Variants in ROBO2 observed in about 807,000 individuals in gnomAD.
ROBO2 encodes roundabout homolog 2.
In ROBO2, 53 loss-of-function variants were observed where a neutral mutation model predicts 160.8. The observed-to-expected ratio is 0.33, with a 90% CI of 0.26 to 0.41. The LOEUF (loss-of-function observed/expected upper bound fraction) is 0.41. ROBO2 is among the 10% of genes least tolerant of loss of function. ROBO2 has a pLI of 1.00. For missense variants in ROBO2, 1,577 were observed against 1,722.4 expected, an observed-to-expected ratio of 0.92 and a Z score of 1.49; for synonymous variants, 664 against 611.7, an observed-to-expected ratio of 1.09 and a Z score of -1.26.
At chr3:77,435,031 A>G (rs2079141752) in intron 2 of ROBO2, among the ~76,000 whole-genome samples, 1 of 152,030 alleles carries the variant, frequency 6.6e-6, no homozygotes, top group Non-Finnish European at 1.5e-5. Flanking sequence ...TTGAAGGAAA[A>G]TGGGCTCAAC....
intron 1 of ROBO2, among the ~76,000 whole-genome samples, chr3:75,927,689 T>G (rs1022070952): frequency 1.3e-5 from 2 of 152,220 alleles, no homozygotes; most frequent in African/African-American, 2.4e-5. Flanking sequence ...AAAAAGTTTC[T>G]TGTGGAATTT....
At chr3:76,177,488 A>G (rs1423068907) in intron 2 of ROBO2, among the ~76,000 whole-genome samples, 2 of 152,194 alleles carry the variant, frequency 1.3e-5, no homozygotes, top group African/African-American at 4.8e-5. Context: ...TGTCAATGAC[A>G]TTTTGTAAAT....
intron 1 of ROBO2, among the ~76,000 whole-genome samples, chr3:77,075,123 C>T (rs560315145): frequency 2.0e-5 from 3 of 152,286 alleles, no homozygotes; most frequent in Middle Eastern, 3.4e-3. Context: ...TAAAACGCAT[C>T]TCTTTATATA....
intron 2 of ROBO2, among the ~76,000 whole-genome samples, chr3:76,192,699 T>G (rs1702073172): frequency 6.6e-6 from 1 of 152,096 alleles, no homozygotes; most frequent in African/African-American, 2.4e-5. Context: ...ATAAATTACT[T>G]CTGAATTGTG....
chr3:77,437,722 CT>C (rs1190195950), intron 2 of ROBO2, among the ~76,000 whole-genome samples: 1 of 151,894 alleles, frequency 6.6e-6, no homozygotes, highest in Non-Finnish European at 1.5e-5. Flanking sequence ...TATAAAATGG[CT>C]TAGGTTTTTG....
chr3:77,622,910 A>T (rs1273866433), intron 23 of ROBO2, among the ~76,000 whole-genome samples: 1 of 152,222 alleles, frequency 6.6e-6, no homozygotes, highest in African/African-American at 2.4e-5. Flanking sequence ...TAGAATGAAG[A>T]AAATGTGTAG....
chr3:76,402,552 C>G (rs891826779), intron 2 of ROBO2, among the ~76,000 whole-genome samples: 3 of 151,518 alleles, frequency 2.0e-5, no homozygotes, highest in Non-Finnish European at 4.4e-5. Flanking sequence ...TCTCACCCAA[C>G]TAAAATTAAA....
intron 4 of ROBO2, among the ~76,000 whole-genome samples, chr3:77,490,794 C>T (rs2086006353): frequency 6.6e-6 from 1 of 152,280 alleles, no homozygotes; most frequent in South Asian, 2.1e-4. Context: ...TTCCTTTTCA[C>T]CCTATGCGTC....
chr3:77,321,322 G>A (rs927348076), intron 2 of ROBO2, among the ~76,000 whole-genome samples: 2 of 152,022 alleles, frequency 1.3e-5, no homozygotes, highest in African/African-American at 2.4e-5. Context: ...TTCAAGATCC[G>A]CCTGGGCAAC....
chr3:77,584,949 CACACACATATATAT>C (rs1408870816), intron 16 of ROBO2, among the ~76,000 whole-genome samples: 1 of 148,588 alleles, frequency 6.7e-6, no homozygotes, highest in Non-Finnish European at 1.5e-5. Context: ...TATATATACA[CACACACATATATAT>C]ACACACATAT....
rs1443541994 is a variant in ROBO2 at position 76,576,790 on chromosome 3, A to AAG, written c.110-521223_110-521222insGA. ...TGAAACTCCGTCTCACAAAAAAAAA[A>AAG]AAAAGAAAAGTAAAAAAGAAAATGA... On this transcript the variant is annotated intron_variant, in intron 2 of 26. Coordinates refer to the ROBO2 transcript ENST00000487694. Among the ~76,000 whole-genome samples the AAG allele has an allele frequency of 8.7e-5, 13 of 149,076 alleles. 1 individual carries two copies. The highest frequency in any genetic ancestry group is 1.5e-5 in the Non-Finnish European group (1 of 67,288).
chr3:76,344,514 A>G (rs1319341947), intron 2 of ROBO2, among the ~76,000 whole-genome samples: 1 of 152,092 alleles, frequency 6.6e-6, no homozygotes, highest in Non-Finnish European at 1.5e-5. Flanking sequence ...AAGTCAAGGA[A>G]CTCCAAAACT....
intron 2 of ROBO2, among the ~76,000 whole-genome samples, chr3:76,185,215 T>TATAGAGATATATATATATATATATAC: frequency 1.1e-5 from 1 of 90,290 alleles, no homozygotes; most frequent in African/African-American, 3.8e-5. Context: ...TATATATATA[T>TATAGAGATATATATATATATATATAC]ACACACACAA....
chr3:77,064,841 A>C (rs1221587961), intron 1 of ROBO2, among the ~76,000 whole-genome samples: 1 of 152,170 alleles, frequency 6.6e-6, no homozygotes, highest in African/African-American at 2.4e-5. Context: ...CTATGACAAG[A>C]TATTTGTAAT....
intron 2 of ROBO2, among the ~76,000 whole-genome samples, chr3:76,428,795 A>G (rs1374398901): frequency 1.3e-5 from 2 of 152,188 alleles, no homozygotes; most frequent in African/African-American, 4.8e-5. Context: ...CGAAAGTGAT[A>G]ACACGAGAAG....
chr3:76,693,506 A>G (rs2107283133), intron 2 of ROBO2, among the ~76,000 whole-genome samples: 1 of 151,566 alleles, frequency 6.6e-6, no homozygotes, highest in Admixed American at 6.6e-5. Context: ...TATATAGATG[A>G]AATTCTTTGT....
At chr3:77,275,987 T>C (rs760879348) in intron 2 of ROBO2, among the ~76,000 whole-genome samples, 1 of 152,164 alleles carries the variant, frequency 6.6e-6, no homozygotes, top group South Asian at 2.1e-4. Context: ...CCCTTATATA[T>C]AGGGCTATGA....
intron 2 of ROBO2, among the ~76,000 whole-genome samples, chr3:76,138,774 G>T (rs2071523472): frequency 6.6e-6 from 1 of 152,092 alleles, no homozygotes. Context: ...CCTTTTAATA[G>T]TTTACTGTGT....
rs143132477 is a variant in ROBO2 at position 76,228,726 on chromosome 3, A to G, written c.109+291124A>G. 3.6e-3 allele frequency among the ~76,000 whole-genome samples: 542 copies of G among 152,350 alleles called. 7 individuals are homozygous for G. Among genetic ancestry groups the G allele is most frequent in the Admixed American group, 0.025 (378 of 15,298 alleles). On this transcript the variant is annotated intron_variant, in intron 2 of 26. Coordinates refer to the ROBO2 transcript ENST00000487694. ...CTAATCAAACCAAACCAGTTTACTG[A>G]CTGCCATGAAACTTTCATAAGAACT... is the stretch of plus-strand genomic sequence containing the variant.
Sources: gnomAD v4.1 joint callset for allele counts (sites outside exome capture counted in the v4.1 genomes callset) on GRCh38, gnomAD v4.1.1 for gene constraint, MANE v1.5 for transcripts, NCBI Gene and HGNC (gene_info 2026-07-23, HGNC 2026-07-21) for gene names.